NDUFS6: variants seen among roughly 807,000 people sequenced by gnomAD.
NDUFS6 encodes the protein NADH dehydrogenase [ubiquinone] iron-sulfur protein 6, mitochondrial.
NDUFS6 carries 14 observed loss-of-function variants against 13.2 expected under a neutral mutation model. The ratio of observed to expected loss-of-function variants is 1.06; its 90% CI spans 0.70 to 1.66. The LOEUF (loss-of-function observed/expected upper bound fraction) is 1.66. Ranked by LOEUF, NDUFS6 falls within the 40% of genes most tolerant of loss-of-function variation. The pLI, the probability that NDUFS6 is intolerant of heterozygous loss-of-function variation, is 0.00. For synonymous variants in NDUFS6, 95 were observed against 72.3 expected (o/e 1.31, Z -1.60); for missense variants, 206 against 170.8 (o/e 1.21, Z -1.15).
intron 2 of NDUFS6, among the ~76,000 whole-genome samples, chr5:1,808,404 T>TTCTTTTA (rs1437682688): frequency 1.3e-5 from 2 of 152,322 alleles, no homozygotes; most frequent in African/African-American, 4.8e-5. Context: ...ATAAGAACCG[T>TTCTTTTA]GGGTCTTTGC....
At position 1,801,469 on chromosome 5, in the gene NDUFS6, G is replaced by A. The variant is rs750850572; in HGVS notation, c.52G>A (p.Ala18Thr). The A allele has an allele frequency of 8.7e-6, 14 of 1,603,704 alleles. No individual in the cohort carries two copies. The highest frequency in any genetic ancestry group is 1.2e-5 in the Non-Finnish European group (14 of 1,178,598). ...GCTGCTGAACCGGTGTGGCGAGGCG[G>A]CGCGGAGCCTGCCCCTGGGCGCCAG... ...CRLLNRCGEA[A>T]RSLPLGARCF... Residue 18 changes from alanine (A) to threonine (T), a missense_variant, in exon 1 of 4, where the codon GCG becomes ACG. Coordinates refer to ENST00000274137, the MANE Select transcript of NDUFS6 (RefSeq NM_004553.6).
intron 2 of NDUFS6, among the ~76,000 whole-genome samples, chr5:1,813,590 C>A (rs1028092947): frequency 6.6e-6 from 1 of 152,220 alleles, no homozygotes. Context: ...CACCCCATCG[C>A]GGTATTATGG....
At chr5:1,801,641 T>G in intron 1 of NDUFS6, 92 bp downstream of exon 1, 1 of 1,490,126 alleles carries the variant, frequency 6.7e-7, no homozygotes, top group Non-Finnish European at 8.9e-7. Flanking sequence ...CGGCCCTGGT[T>G]CTGCGCCGGC....
chr5:1,815,807 G>T, intron 3 of NDUFS6, 44 bp from the exon 4 acceptor site: 2 of 1,580,518 alleles, frequency 1.3e-6, no homozygotes, highest in Non-Finnish European at 1.7e-6. Context: ...TAGATTTGAA[G>T]TAGAATATGG....
At chr5:1,805,647 G>A (rs1734111513) in intron 2 of NDUFS6, among the ~76,000 whole-genome samples, 1 of 152,238 alleles carries the variant, frequency 6.6e-6, no homozygotes, top group Non-Finnish European at 1.5e-5. Context: ...AACAAACTTG[G>A]AAGTGACCAG....
At chr5:1,813,436 A>G (rs554191088) in intron 2 of NDUFS6, among the ~76,000 whole-genome samples, 11 of 152,310 alleles carry the variant, frequency 7.2e-5, no homozygotes, top group Non-Finnish European at 1.3e-4. Context: ...TCACAGTAGT[A>G]ACTGTTCAGT....
chr5:1,801,613 G>T, intron 1 of NDUFS6, 64 bp downstream of exon 1: 1 of 1,518,044 alleles, frequency 6.6e-7, no homozygotes, highest in Non-Finnish European at 8.8e-7. Flanking sequence ...TGGTGGCAGT[G>T]GGCTCGCCGG....
At chr5:1,811,046 C>T (rs1196824677) in intron 2 of NDUFS6, among the ~76,000 whole-genome samples, 5 of 151,852 alleles carry the variant, frequency 3.3e-5, no homozygotes, top group Non-Finnish European at 1.5e-5. Context: ...TGACGATCCA[C>T]TTCCACTTAA....
At chr5:1,812,825 G>A (rs1388516763) in intron 2 of NDUFS6, among the ~76,000 whole-genome samples, 1 of 151,836 alleles carries the variant, frequency 6.6e-6, no homozygotes, top group Non-Finnish European at 1.5e-5. Context: ...GGCCGAGGCG[G>A]GCGGATCACC....
At chr5:1,813,681 C>T (rs77884479) in intron 2 of NDUFS6, among the ~76,000 whole-genome samples, 7,231 of 152,226 alleles carry the variant, frequency 0.048, 209 homozygotes, top group Middle Eastern at 0.095. Context: ...GAGTCTTTCC[C>T]GCACATGCCT....
intron 2 of NDUFS6, among the ~76,000 whole-genome samples, chr5:1,803,343 C>G (rs1372816911): frequency 2.6e-5 from 4 of 152,186 alleles, no homozygotes; most frequent in Non-Finnish European, 5.9e-5. Context: ...TTGGCAATGC[C>G]ACTTGAGTGT....
Position 1,815,853 on chromosome 5 carries a change from CAAAG to C in NDUFS6, c.316_319del (p.Glu106GlnfsTer41). 1 of 1,614,148 alleles carries C rather than the reference CAAAG, an allele frequency of 6.2e-7. No homozygotes were observed. Among genetic ancestry groups the C allele is most frequent in the Non-Finnish European group, 8.5e-7 (1 of 1,180,000 alleles). ...TCATTCCTTTTGAATTTTTTCAGGA[CAAAG>C]AAACAAAAACCGGCACATGCGGTTA... On this transcript the variant is annotated frameshift_variant, in exon 4 of 4. Transcript: ENST00000274137. LOFTEE classifies it high-confidence loss of function.
intron 2 of NDUFS6, among the ~76,000 whole-genome samples, chr5:1,803,797 A>C (rs1277476415): frequency 6.6e-6 from 1 of 152,222 alleles, no homozygotes; most frequent in Non-Finnish European, 1.5e-5. Flanking sequence ...CGAATGGGAC[A>C]TTTCTTCCGT....
At chr5:1,801,669 G>C in intron 1 of NDUFS6, 120 bp downstream of exon 1, 1 of 1,418,638 alleles carries the variant, frequency 7.0e-7, no homozygotes, top group South Asian at 1.4e-5. Context: ...GTCGTGGTAA[G>C]GTTGTGCTGT....
At position 1,814,421 on chromosome 5, in the gene NDUFS6, G is replaced by A; in HGVS notation, c.269G>A (p.Gly90Asp). Residue 90 changes from glycine to aspartate, a missense_variant, in exon 3 of 4, where the codon GGC becomes GAC. Gly to Asp is a moderately conservative substitution (Grantham distance 94). Coordinates refer to ENST00000274137, the MANE Select transcript of NDUFS6 (RefSeq NM_004553.6). This position sits in a 1 kb window ranked among gnomAD's most constrained non-coding sequence, Gnocchi z 4.9. ...ACTCGGGTGATAGCGTGCGATGGCG[G>A]CGGGGGAGCTCTTGGCCACCCAAAA... ...VETRVIACDG[G>D]GGALGHPKVY... 6.2e-7 allele frequency: 1 copy of A among 1,614,154 alleles called. No homozygotes were observed. The highest frequency in any genetic ancestry group is 8.5e-7 in the Non-Finnish European group (1 of 1,180,020).
chr5:1,803,262 T>TTG (rs1734077931), intron 2 of NDUFS6, among the ~76,000 whole-genome samples: 1 of 152,236 alleles, frequency 6.6e-6, no homozygotes, highest in Non-Finnish European at 1.5e-5. Flanking sequence ...ATTCTCAAAA[T>TTG]TCAGCTGGTT....
chr5:1,802,531 A>G (rs909886834), intron 2 of NDUFS6, among the ~76,000 whole-genome samples, 157 bp downstream of exon 2: 2 of 152,170 alleles, frequency 1.3e-5, no homozygotes, highest in Admixed American at 1.3e-4. Context: ...TAAAATCTTA[A>G]TTGTGTCTAT....
At chr5:1,810,928 T>G (rs1426046747) in intron 2 of NDUFS6, among the ~76,000 whole-genome samples, 1 of 152,228 alleles carries the variant, frequency 6.6e-6, no homozygotes, top group African/African-American at 2.4e-5. Context: ...GTGAGTCCAC[T>G]TAAGTGGCTT....
At chr5:1,805,977 A>G (rs1218463006) in intron 2 of NDUFS6, among the ~76,000 whole-genome samples, 1 of 150,752 alleles carries the variant, frequency 6.6e-6, no homozygotes. Context: ...AGATGAGGAA[A>G]GGCTTGGAGC....
Sources: allele counts gnomAD v4.1 joint callset (sites outside exome capture counted in the v4.1 genomes callset), GRCh38; gene constraint gnomAD v4.1.1; non-coding constraint Gnocchi (gnomAD v3.1); transcripts MANE v1.5; gene names NCBI Gene and HGNC (gene_info 2026-07-23, HGNC 2026-07-21).